XRCC5: variants seen among roughly 807,000 people sequenced by gnomAD.
XRCC5 encodes DNA repair protein Ku80.
A neutral mutation model predicts 95.7 loss-of-function variants in XRCC5; 12 were observed. That is an observed-to-expected ratio of 0.13 (90% CI 0.08 to 0.20). The LOEUF is 0.20. Among genes scored for constraint, XRCC5 ranks in the 10% least tolerant of loss-of-function variants. The pLI, the probability that XRCC5 is intolerant of heterozygous loss-of-function variation, is 1.00. For missense variants in XRCC5, 595 were observed against 873.9 expected, an observed-to-expected ratio of 0.68 and a Z score of 4.02; for synonymous variants, 281 against 290.3, an observed-to-expected ratio of 0.97 and a Z score of 0.33.
chr2:216,168,255 TG>T (rs1689091075), intron 16 of XRCC5, among the ~76,000 whole-genome samples: 1 of 152,236 alleles, frequency 6.6e-6, no homozygotes, highest in Non-Finnish European at 1.5e-5. Context: ...TGAAAGACTC[TG>T]GATCAAATTC....
chr2:216,135,380 C>T lies in XRCC5; in HGVS notation c.1114-1708C>T, dbSNP rs1316190447. On this transcript the variant is annotated intron_variant, in intron 10 of 20. Transcript: ENST00000392132. ...AAAGGCCAAGTATGAGACCTGCCCC[C>T]AGTCAGTGATCAGCTCAGTGATGCC... 2.0e-5 allele frequency among the ~76,000 whole-genome samples: 3 copies of T among 151,296 alleles called. No individual in the cohort carries two copies. In the South Asian group the frequency reaches 6.2e-4, roughly 31 times the overall value.
intron 14 of XRCC5, among the ~76,000 whole-genome samples, chr2:216,150,994 A>G (rs1023351517): frequency 6.6e-6 from 1 of 152,214 alleles, no homozygotes; most frequent in Non-Finnish European, 1.5e-5. Context: ...TTATAATCTT[A>G]TGAGACCACC....
chr2:216,124,225 T>C (rs1343184475), intron 6 of XRCC5, among the ~76,000 whole-genome samples: 1 of 152,146 alleles, frequency 6.6e-6, no homozygotes, highest in Non-Finnish European at 1.5e-5. Context: ...GAGATTGAGC[T>C]CTACTGCAGA....
chr2:216,131,597 G>A (rs1696994703), intron 9 of XRCC5, among the ~76,000 whole-genome samples: 1 of 152,068 alleles, frequency 6.6e-6, no homozygotes. Flanking sequence ...GGAGAGACAT[G>A]CAGTACTTAT....
At chr2:216,119,331 G>C (rs903734709) in intron 5 of XRCC5, among the ~76,000 whole-genome samples, 166 bp downstream of exon 5, 4 of 152,190 alleles carry the variant, frequency 2.6e-5, no homozygotes, top group East Asian at 3.8e-4. Context: ...GTTACTCTCT[G>C]TGTTCTAGGA....
intron 16 of XRCC5, among the ~76,000 whole-genome samples, chr2:216,174,638 T>C (rs1015679): frequency 0.3 from 45,043 of 152,136 alleles, 7,477 homozygotes; most frequent in South Asian, 0.46. Context: ...AGCTCAGGAA[T>C]GTACGTCTAA....
chr2:216,199,992 G>A (rs1574437487), intron 19 of XRCC5, among the ~76,000 whole-genome samples: 1 of 151,868 alleles, frequency 6.6e-6, no homozygotes, highest in Non-Finnish European at 1.5e-5. Flanking sequence ...TAGTATCACA[G>A]ACATTCATAG....
At chr2:216,187,522 T>A (rs1045322133) in intron 16 of XRCC5, among the ~76,000 whole-genome samples, 25 of 110,836 alleles carry the variant, frequency 2.3e-4, no homozygotes, top group African/African-American at 7.9e-4. Flanking sequence ...GTGTGTGTGT[T>A]CTATCATATT....
chr2:216,188,549 T>C (rs922565528), intron 16 of XRCC5, among the ~76,000 whole-genome samples: 4 of 152,222 alleles, frequency 2.6e-5, no homozygotes, highest in Admixed American at 2.6e-4. Context: ...ATTTAGAGTC[T>C]CTAGGATTAT....
chr2:216,153,533 T>C (rs16855489), intron 14 of XRCC5, among the ~76,000 whole-genome samples: 78,746 of 152,054 alleles, frequency 0.52, 22,035 homozygotes, highest in Non-Finnish European at 0.63. Flanking sequence ...ACTTCAAAAC[T>C]TAATATGTTA....
At chr2:216,127,041 C>T (rs1696910357) in intron 7 of XRCC5, among the ~76,000 whole-genome samples, 1 of 151,950 alleles carries the variant, frequency 6.6e-6, no homozygotes, top group Admixed American at 6.6e-5. Flanking sequence ...CACTTTAGGC[C>T]AGGAGTTCGA....
chr2:216,109,399 C>T lies in XRCC5; in HGVS notation c.-38C>T. 6.2e-7 allele frequency: 1 copy of T among 1,613,428 alleles called. No homozygotes were observed. The highest frequency in any genetic ancestry group is 1.7e-4 in the Middle Eastern group (1 of 6,046). On this transcript the variant is annotated 5_prime_UTR_variant, in exon 1 of 21. Transcript: ENST00000392132. ...CGAGTTGCGACACGGCAGGTTCCCG[C>T]CCGGAAGAAGCGACCAAAGCGCCTG... is the stretch of plus-strand genomic sequence containing the variant.
intron 13 of XRCC5, among the ~76,000 whole-genome samples, chr2:216,143,359 T>C (rs1697200922): frequency 6.6e-6 from 1 of 152,176 alleles, no homozygotes; most frequent in Admixed American, 6.5e-5. Flanking sequence ...GTAGGAAAGG[T>C]AGGAGCAGAC....
intron 11 of XRCC5, among the ~76,000 whole-genome samples, chr2:216,137,457 A>T (rs1266586426): frequency 1.3e-5 from 2 of 152,062 alleles, no homozygotes; most frequent in East Asian, 1.9e-4. Context: ...TAAAAATAAT[A>T]TAAGAATCTT....
At chr2:216,195,413 G>T (rs1467298748) in intron 19 of XRCC5, among the ~76,000 whole-genome samples, 52 of 63,416 alleles carry the variant, frequency 8.2e-4, no homozygotes, top group Middle Eastern at 7.9e-3. Context: ...CTCTCTCTCT[G>T]TTTCTTTCTT....
intron 16 of XRCC5, among the ~76,000 whole-genome samples, chr2:216,189,751 G>A (rs549546032): frequency 3.3e-5 from 5 of 152,254 alleles, no homozygotes; most frequent in African/African-American, 1.2e-4. Context: ...AGAAGATGGG[G>A]TGTCCCTGGC....
chr2:216,196,218 TAAAA>T (rs58466188), intron 19 of XRCC5, among the ~76,000 whole-genome samples: 1 of 141,510 alleles, frequency 7.1e-6, no homozygotes, highest in African/African-American at 2.6e-5. Flanking sequence ...AGATTTTTGT[TAAAA>T]AAAAAAAAAA....
Position 216,190,312 on chromosome 2 carries a change from C to T in XRCC5, c.1922C>T (p.Ala641Val), listed in dbSNP as rs1410961287. ...ATGAAGAGCATAGACTGCATCCGAG[C>T]CTTCCGGGAAGAAGCCATTAAGGTA... Reference protein sequence around the residue: ...YFMKSIDCIRAFREEAIKFSE... With the variant: ...YFMKSIDCIRVFREEAIKFSE... The change falls in exon 17 of 21, where the codon GCC becomes GTC. Residue 641 changes from alanine (A) to valine (V), a missense_variant. Physicochemically the swap from Ala to Val is moderately conservative, Grantham distance 64. This residue lies in a region of XRCC5 where 309 missense variants were observed against 382.9 expected (regional missense o/e 0.81). Coordinates refer to ENST00000392132, the MANE Select transcript of XRCC5 (RefSeq NM_021141.4). 6.2e-7 allele frequency: 1 copy of T among 1,613,816 alleles called. No individual in the cohort carries two copies.
At chr2:216,204,831 G>C (rs188194590) in intron 20 of XRCC5, among the ~76,000 whole-genome samples, 50 of 152,264 alleles carry the variant, frequency 3.3e-4, no homozygotes, top group African/African-American at 1.2e-3. Context: ...AGACCGATAG[G>C]CATTTGAGGA....
Sources: allele counts gnomAD v4.1 joint callset (sites outside exome capture counted in the v4.1 genomes callset), GRCh38; gene constraint gnomAD v4.1.1; regional missense constraint gnomAD v4.1.1; transcripts MANE v1.5; gene names NCBI Gene and HGNC (gene_info 2026-07-23, HGNC 2026-07-21).